Variants in ADGRL2 observed in about 807,000 individuals in gnomAD.
ADGRL2 encodes the protein calcium-independent alpha-latrotoxin receptor 2.
A neutral mutation model predicts 157.4 loss-of-function variants in ADGRL2; 44 were observed. The observed-to-expected ratio is 0.28, with a 90% CI of 0.22 to 0.36. The LOEUF (loss-of-function observed/expected upper bound fraction) is 0.36. Ranked by LOEUF, ADGRL2 falls within the 10% of genes least tolerant of loss-of-function variation. The probability of loss-of-function intolerance (pLI) is 1.00; values close to 1 mark genes in which losing one functional copy is unlikely to be tolerated. For missense variants in ADGRL2, 1,510 were observed against 1,768.9 expected, an observed-to-expected ratio of 0.85 and a Z score of 2.63; for synonymous variants, 585 against 624.7, an observed-to-expected ratio of 0.94 and a Z score of 0.95.
intron 2 of ADGRL2, among the ~76,000 whole-genome samples, chr1:81,844,155 G>T (rs1473053636): frequency 6.6e-6 from 1 of 152,006 alleles, no homozygotes; most frequent in Non-Finnish European, 1.5e-5. Flanking sequence ...AAAGTAAAAA[G>T]GTTATTAGCT....
chr1:81,315,212 A>G (rs1660021642), intron 1 of ADGRL2, among the ~76,000 whole-genome samples: 1 of 152,146 alleles, frequency 6.6e-6, no homozygotes, highest in Non-Finnish European at 1.5e-5. Flanking sequence ...AAAGGTCACA[A>G]TTCGATAAAA....
chr1:81,493,097 T>C (rs2078665964), intron 2 of ADGRL2, among the ~76,000 whole-genome samples: 1 of 152,180 alleles, frequency 6.6e-6, no homozygotes, highest in Non-Finnish European at 1.5e-5. Context: ...GTGAAAAATA[T>C]TTGTATCTAA....
intron 3 of ADGRL2, among the ~76,000 whole-genome samples, chr1:81,644,666 G>GACCA: frequency 6.6e-6 from 1 of 152,088 alleles, no homozygotes; most frequent in African/African-American, 2.4e-5. Flanking sequence ...CCCATAGAAG[G>GACCA]TACAAAATCA....
At chr1:81,791,241 G>A (rs1448943225) in intron 2 of ADGRL2, among the ~76,000 whole-genome samples, 1 of 152,092 alleles carries the variant, frequency 6.6e-6, no homozygotes, top group Non-Finnish European at 1.5e-5. Flanking sequence ...ATCTCCCCAA[G>A]AGTCATGAGC....
intron 1 of ADGRL2, chr1:81,426,983 G>A (rs2077228646): frequency 1.1e-5 from 9 of 851,920 alleles, no homozygotes; most frequent in Admixed American, 5.2e-5. Context: ...TGATGATCAC[G>A]ATACAGTTGA....
chr1:81,904,767 C>T (rs61772832), intron 2 of ADGRL2, among the ~76,000 whole-genome samples: 42,592 of 151,872 alleles, frequency 0.28, 6,596 homozygotes, highest in South Asian at 0.34. Context: ...ATTAGTCTGG[C>T]GTGATGGCAC....
intron 1 of ADGRL2, among the ~76,000 whole-genome samples, chr1:81,344,687 A>AAAAAC (rs1662347582): frequency 6.6e-6 from 1 of 151,596 alleles, no homozygotes; most frequent in African/African-American, 2.4e-5. Flanking sequence ...AAAAAAAAAA[A>AAAAAC]AAAGCAGATT....
chr1:81,630,554 G>T (rs921632417), intron 3 of ADGRL2, among the ~76,000 whole-genome samples: 5 of 151,956 alleles, frequency 3.3e-5, no homozygotes, highest in African/African-American at 1.2e-4. Flanking sequence ...ATCATAAATC[G>T]AATTCCTCAT....
intron 2 of ADGRL2, among the ~76,000 whole-genome samples, chr1:81,844,985 G>C (rs2092729737): frequency 6.6e-6 from 1 of 152,014 alleles, no homozygotes. Flanking sequence ...AAAACTTTTA[G>C]AAGGTTCATA....
At chr1:81,585,585 C>T (rs1011816228) in intron 3 of ADGRL2, among the ~76,000 whole-genome samples, 5 of 152,036 alleles carry the variant, frequency 3.3e-5, no homozygotes, top group African/African-American at 9.7e-5. Flanking sequence ...ACTTTTGGCC[C>T]TTCTAGAATC....
At chr1:81,812,576 A>G (rs994131559) in intron 1 of ADGRL2, among the ~76,000 whole-genome samples, 1 of 151,752 alleles carries the variant, frequency 6.6e-6, no homozygotes, top group Non-Finnish European at 1.5e-5. Flanking sequence ...GAATGACTGC[A>G]GAACTGTCTT....
intron 1 of ADGRL2, among the ~76,000 whole-genome samples, chr1:81,833,407 T>G (rs2092082590): frequency 6.6e-6 from 1 of 152,202 alleles, no homozygotes; most frequent in Admixed American, 6.5e-5. Flanking sequence ...AAAATAAAGC[T>G]TTAGATAGAA....
intron 1 of ADGRL2, among the ~76,000 whole-genome samples, chr1:81,396,916 G>A (rs80106446): frequency 0.012 from 1,757 of 152,156 alleles, 35 homozygotes; most frequent in African/African-American, 0.04. Context: ...TGTCTATCAG[G>A]GATGTTGGCC....
chr1:81,881,280 A>G (rs1004407784), intron 2 of ADGRL2, among the ~76,000 whole-genome samples: 17 of 152,146 alleles, frequency 1.1e-4, no homozygotes, highest in Admixed American at 2.6e-4. Flanking sequence ...GGCTCACGCC[A>G]TTCTCCTGCC....
intron 2 of ADGRL2, among the ~76,000 whole-genome samples, chr1:81,456,311 C>T (rs2077805903): frequency 6.6e-6 from 1 of 152,118 alleles, no homozygotes; most frequent in African/African-American, 2.4e-5. Flanking sequence ...CCCCAACCTC[C>T]TGGGCTCAAG....
At position 81,635,547 on chromosome 1, in the gene ADGRL2, A is replaced by G. The variant is rs150457773; in HGVS notation, c.-143+54567A>G. ...TGGGAAGTCAAGGGTCAACGTGCAG[A>G]CAGACTTGGTGTCTCGTGAAGAGCT... is the stretch of plus-strand genomic sequence containing the variant. On this transcript the variant is annotated intron_variant, in intron 3 of 24. Transcript: ENST00000370721. Among the ~76,000 whole-genome samples, 6 of 152,328 alleles carry G rather than the reference A, an allele frequency of 3.9e-5. No homozygotes were observed. The East Asian group carries it at 1.2e-3, about 29-fold the overall frequency.
chr1:81,391,454 G>A (rs373631121), intron 1 of ADGRL2, among the ~76,000 whole-genome samples: 6,618 of 151,810 alleles, frequency 0.044, no homozygotes, highest in Non-Finnish European at 0.059. Flanking sequence ...ACTGTTTTCT[G>A]TAGGGAAAAC....
chr1:81,436,057 T>C (rs2077403749), intron 1 of ADGRL2, among the ~76,000 whole-genome samples: 1 of 152,146 alleles, frequency 6.6e-6, no homozygotes, highest in African/African-American at 2.4e-5. Context: ...ATCACGCCAT[T>C]GCACTTTAAC....
At chr1:81,365,220 G>A (rs2076044967) in intron 1 of ADGRL2, among the ~76,000 whole-genome samples, 1 of 152,106 alleles carries the variant, frequency 6.6e-6, no homozygotes, top group Non-Finnish European at 1.5e-5. Flanking sequence ...CCAAAAGGGA[G>A]GCTAGAAGTC....
Sources: gnomAD v4.1 joint callset for allele counts (sites outside exome capture counted in the v4.1 genomes callset) on GRCh38, gnomAD v4.1.1 for gene constraint, MANE v1.5 for transcripts, NCBI Gene and HGNC (gene_info 2026-07-23, HGNC 2026-07-21) for gene names.